Variants in BCL2 observed in about 807,000 individuals in gnomAD.
BCL2 encodes apoptosis regulator Bcl-2.
Under a neutral mutation model 14.2 loss-of-function variants are expected in BCL2, and 1 was observed. The ratio of observed to expected loss-of-function variants is 0.07; its 90% CI spans 0.02 to 0.33. The LOEUF (loss-of-function observed/expected upper bound fraction) is 0.33. Among genes scored for constraint, BCL2 ranks in the 10% least tolerant of loss-of-function variants. The pLI is 0.99. For synonymous variants in BCL2, 151 were observed against 137.2 expected (o/e 1.10, Z -0.70); for missense variants, 247 against 305.9 (o/e 0.81, Z 1.44).
intron 2 of BCL2, among the ~76,000 whole-genome samples, chr18:63,156,930 T>C (rs939569832): frequency 1.3e-5 from 2 of 152,136 alleles, no homozygotes; most frequent in African/African-American, 4.8e-5. Context: ...CGCTTTCTTC[T>C]CCATTTTCTC....
intron 2 of BCL2, among the ~76,000 whole-genome samples, chr18:63,195,218 A>C (rs1420985271): frequency 6.6e-6 from 1 of 152,164 alleles, no homozygotes; most frequent in African/African-American, 2.4e-5. Context: ...TAAGTCATTG[A>C]ATCTTGGTCC....
At chr18:63,226,281 GGCC>G (rs1243677401) in intron 2 of BCL2, among the ~76,000 whole-genome samples, 2 of 152,176 alleles carry the variant, frequency 1.3e-5, no homozygotes, top group African/African-American at 4.8e-5. Context: ...AGGCAGGGCA[GGCC>G]ATGGGTGGTT....
chr18:63,249,581 G>A (rs1050262190), intron 2 of BCL2, among the ~76,000 whole-genome samples: 4 of 151,928 alleles, frequency 2.6e-5, no homozygotes, highest in South Asian at 2.1e-4. Context: ...ATGGTGGTGC[G>A]TGACTGTAGC....
chr18:63,177,448 G>A (rs540065542), intron 2 of BCL2, among the ~76,000 whole-genome samples: 3 of 152,176 alleles, frequency 2.0e-5, no homozygotes, highest in East Asian at 3.9e-4. Flanking sequence ...GGTTCCCCGC[G>A]TGCTAATATC....
intron 2 of BCL2, among the ~76,000 whole-genome samples, chr18:63,298,751 G>A (rs924793309): frequency 6.6e-6 from 1 of 152,206 alleles, no homozygotes; most frequent in African/African-American, 2.4e-5. Flanking sequence ...AGGCTGCGGA[G>A]CTGTTATCAT....
intron 2 of BCL2, among the ~76,000 whole-genome samples, chr18:63,166,443 C>A (rs1915046793): frequency 6.6e-6 from 1 of 152,206 alleles, no homozygotes; most frequent in Non-Finnish European, 1.5e-5. Context: ...CCTGCAGAAG[C>A]CACACTGTCA....
In BCL2 at chr18:63,319,720, G is replaced by T; in HGVS notation, c.-833C>A. 4.7e-6 allele frequency: 1 copy of T among 212,032 alleles called. No individual in the cohort carries two copies. The highest frequency in any genetic ancestry group is 9.6e-6 in the Non-Finnish European group (1 of 104,524). The allele number at this position is 212,032 out of a possible 1,614,324, so 13.1% of individuals were successfully genotyped here. A position where few individuals can be genotyped will look rare whatever the true frequency, so the allele number is the denominator to read the frequency against. ...AATGAAGGCAGGACGCGCCTGGCCC[G>T]CCGGTGCCGAGCGCTAGAAGCCCGC... On this transcript the variant is annotated 5_prime_UTR_variant, in exon 1 of 3. Transcript: ENST00000333681.
chr18:63,303,956 T>C (rs1205657611), intron 2 of BCL2, among the ~76,000 whole-genome samples: 1 of 152,252 alleles, frequency 6.6e-6, no homozygotes, highest in Non-Finnish European at 1.5e-5. Flanking sequence ...GTAAGGGCTA[T>C]ATTATACTAA....
intron 2 of BCL2, among the ~76,000 whole-genome samples, chr18:63,160,136 T>A (rs1327859351): frequency 6.6e-6 from 1 of 152,238 alleles, no homozygotes; most frequent in African/African-American, 2.4e-5. Flanking sequence ...ACTTTGTTTT[T>A]AAATTATTTG....
intron 2 of BCL2, among the ~76,000 whole-genome samples, chr18:63,283,162 T>C (rs1022061979): frequency 9.2e-5 from 14 of 152,228 alleles, no homozygotes; most frequent in African/African-American, 3.4e-4. Flanking sequence ...TTTGGGTAAT[T>C]AGGAGCAGCA....
chr18:63,218,020 G>A (rs1910254303), intron 2 of BCL2, among the ~76,000 whole-genome samples: 1 of 152,182 alleles, frequency 6.6e-6, no homozygotes, highest in African/African-American at 2.4e-5. Flanking sequence ...GGGAAGGATA[G>A]AAAGATAGGC....
intron 2 of BCL2, among the ~76,000 whole-genome samples, chr18:63,167,733 C>T (rs2144625658): frequency 6.6e-6 from 1 of 152,232 alleles, no homozygotes; most frequent in Non-Finnish European, 1.5e-5. Context: ...CAAGACTATC[C>T]TGGCCAACAT....
At chr18:63,157,944 TTTC>T (rs1914824787) in intron 2 of BCL2, among the ~76,000 whole-genome samples, 2 of 152,046 alleles carry the variant, frequency 1.3e-5, no homozygotes, top group South Asian at 2.1e-4. Flanking sequence ...TTTCTTTTCT[TTTC>T]TTCTTTTTTT....
At chr18:63,268,094 T>C (rs982601076) in intron 2 of BCL2, among the ~76,000 whole-genome samples, 4 of 152,214 alleles carry the variant, frequency 2.6e-5, no homozygotes, top group Non-Finnish European at 5.9e-5. Flanking sequence ...AAGCTGTCAC[T>C]GTTGTGTATG....
intron 2 of BCL2, among the ~76,000 whole-genome samples, chr18:63,240,217 G>A (rs936695627): frequency 1.3e-5 from 2 of 152,094 alleles, no homozygotes; most frequent in Non-Finnish European, 2.9e-5. Flanking sequence ...TTGAACTCCT[G>A]GGCTCAAGTG....
In BCL2 at chr18:63,318,960, G is replaced by A. The variant is rs2144327538; in HGVS notation, c.-286-8C>T. 2.3e-6 allele frequency: 3 copies of A among 1,290,882 alleles called. No individual in the cohort carries two copies. Among genetic ancestry groups the A allele is most frequent in the East Asian group, 7.3e-5 (2 of 27,490 alleles). 80.0% of individuals were successfully genotyped at this position (1,290,882 alleles called of 1,614,324 possible). A position where few individuals can be genotyped will look rare whatever the true frequency, so the allele number is the denominator to read the frequency against. ...TCTACTTCCTCTGTGATGCTGAAAG[G>A]TTAAAGAAAAAACAAACTAATAAGT... On this transcript the variant is annotated splice_polypyrimidine_tract_variant and splice_region_variant and intron_variant, in intron 1 of 2. Coordinates refer to ENST00000333681, the MANE Select transcript of BCL2 (RefSeq NM_000633.3). This position sits in a 1 kb window ranked among gnomAD's most constrained non-coding sequence, Gnocchi z 7.4.
chr18:63,129,527 C>T (rs1914008218), intron 2 of BCL2, among the ~76,000 whole-genome samples: 1 of 152,166 alleles, frequency 6.6e-6, no homozygotes, highest in Non-Finnish European at 1.5e-5. Context: ...GAGTCTCCTG[C>T]CTCAGCCTCC....
Position 63,148,825 on chromosome 18 carries a change from C to T in BCL2, c.586-20066G>A, listed in dbSNP as rs960318028. Reference sequence around the variant, plus strand: ...TCCATATAGATCATCTAGTGTGGTCCTCCCAACAAGCCACAGATAAGTTAT... The same window carrying T: ...TCCATATAGATCATCTAGTGTGGTCTTCCCAACAAGCCACAGATAAGTTAT... On this transcript the variant is annotated intron_variant, in intron 2 of 2. Transcript: ENST00000333681. Among the ~76,000 whole-genome samples, 6 of 152,014 alleles carry T rather than the reference C, an allele frequency of 3.9e-5. No homozygotes were observed. In the South Asian group the frequency reaches 1.2e-3, roughly 31 times the overall value.
chr18:63,309,927 A>T (rs1019236976), intron 2 of BCL2, among the ~76,000 whole-genome samples: 1 of 151,904 alleles, frequency 6.6e-6, no homozygotes, highest in African/African-American at 2.4e-5. Context: ...CAGTGACACG[A>T]TCTCGGCTCA....
Sources: allele counts gnomAD v4.1 joint callset (sites outside exome capture counted in the v4.1 genomes callset), GRCh38; gene constraint gnomAD v4.1.1; non-coding constraint Gnocchi (gnomAD v3.1); transcripts MANE v1.5; gene names NCBI Gene and HGNC (gene_info 2026-07-23, HGNC 2026-07-21).